Variants in MSH6 observed in about 807,000 individuals in gnomAD.
MSH6 encodes DNA mismatch repair protein Msh6.
In MSH6, 85 loss-of-function variants were observed where a neutral mutation model predicts 119.1. The ratio of observed to expected loss-of-function variants is 0.71; its 90% CI spans 0.60 to 0.85. The LOEUF is 0.85. Ranked by LOEUF, MSH6 falls within the 40% of genes least tolerant of loss-of-function variation. The pLI, the probability that MSH6 is intolerant of heterozygous loss-of-function variation, is 0.00. For missense variants in MSH6, 2,163 were observed against 1,655.3 expected, an observed-to-expected ratio of 1.31 and a Z score of -5.32; for synonymous variants, 830 against 586.9, an observed-to-expected ratio of 1.41 and a Z score of -5.99.
rs774496371 is a variant in MSH6, at chr2:47,798,715, A to C, written c.732A>C (p.Gln244His). Reference protein sequence around the residue: ...KTQGSRRSSRQIKKRRVISDS... With the variant: ...KTQGSRRSSRHIKKRRVISDS... ...AAGGATCTAGGCGAAGTAGCCGCCA[A>C]ATAAAAAAACGAAGGGTCATATCAG... Residue 244 changes from glutamine to histidine, a missense_variant, in exon 4 of 10, where the codon CAA becomes CAC. Gln to His is a conservative substitution (Grantham distance 24). Coordinates refer to ENST00000234420, the MANE Select transcript of MSH6 (RefSeq NM_000179.3). The C allele has an allele frequency of 2.5e-6, 4 of 1,614,086 alleles. No homozygotes were observed. Among genetic ancestry groups the C allele is most frequent in the Non-Finnish European group, 3.4e-6 (4 of 1,180,052 alleles).
Position 47,798,668 on chromosome 2 carries a change from G to C in MSH6, c.685G>C (p.Glu229Gln), listed in dbSNP as rs876660694. The C allele has an allele frequency of 6.2e-7, 1 of 1,613,616 alleles. No homozygotes were observed. The highest frequency in any genetic ancestry group is 1.1e-5 in the South Asian group (1 of 91,072). ...SEEDNEIESE[E>Q]EVQPKTQGSR... ...AGAAGATAATGAAATTGAGAGTGAA[G>C]AGGAAGTACAGCCTAAGACACAAGG... Residue 229 changes from glutamate to glutamine, a missense_variant, in exon 4 of 10, where the codon GAG becomes CAG. Coordinates refer to ENST00000234420, the MANE Select transcript of MSH6 (RefSeq NM_000179.3).
At chr2:47,788,278 G>A (rs1668467317) in intron 1 of MSH6, among the ~76,000 whole-genome samples, 1 of 88,266 alleles carries the variant, frequency 1.1e-5, no homozygotes. Context: ...TTTTTGAGAT[G>A]GAGTCTCGCC....
downstream of MSH6, chr2:47,807,414 C>T (rs759138566): frequency 5.3e-5 from 11 of 206,370 alleles, no homozygotes; most frequent in Non-Finnish European, 1.1e-4. Context: ...GAATGCTGCA[C>T]AGGGAAGGGA....
At chr2:47,806,134 TTTTTGTTTTAATTCCTTTTTTG>T in intron 7 of MSH6, 48 bp from the exon 8 acceptor site, 2 of 1,201,904 alleles carry the variant, frequency 1.7e-6, no homozygotes, top group Non-Finnish European at 1.2e-6. Flanking sequence ...TGTCCTAGCA[TTTTTGTTTTAATTCCTTTTTTG>T]TTTTAATTCC....
intron 1 of MSH6, among the ~76,000 whole-genome samples, chr2:47,788,915 T>TG (rs1558650179): frequency 8.4e-5 from 5 of 59,414 alleles, no homozygotes; most frequent in African/African-American, 3.3e-4. Flanking sequence ...TCCTTTTTTT[T>TG]TTTTTTGTTT....
chr2:47,807,274 C>CTAAAGTGTACTTAAAACAT, downstream of MSH6: 1 of 223,078 alleles, frequency 4.5e-6, no homozygotes, highest in Non-Finnish European at 9.0e-6. Flanking sequence ...AAGAGACTTT[C>CTAAAGTGTACTTAAAACAT]TAAAGTGTAC....
chr2:47,803,076 C>T (rs897789726), intron 4 of MSH6, among the ~76,000 whole-genome samples: 4 of 152,096 alleles, frequency 2.6e-5, no homozygotes, highest in African/African-American at 9.7e-5. Flanking sequence ...GTGTATTAGG[C>T]ACTGCTAATT....
chr2:47,783,206 G>T lies in MSH6; in HGVS notation c.-28G>T, dbSNP rs1057522699. ...GTGCTTTTAGGAGCTCCGTCCGACA[G>T]AACGGTTGGGCCTTGCCGGCTGTCG... is the stretch of plus-strand genomic sequence containing the variant. On this transcript the variant is annotated 5_prime_UTR_variant, in exon 1 of 10. Coordinates refer to ENST00000234420, the MANE Select transcript of MSH6 (RefSeq NM_000179.3). 8.1e-6 allele frequency: 13 copies of T among 1,610,096 alleles called. No homozygotes were observed. Among genetic ancestry groups the T allele is most frequent in the Non-Finnish European group, 1.0e-5 (12 of 1,178,976 alleles).
intron 4 of MSH6, among the ~76,000 whole-genome samples, chr2:47,803,077 A>T (rs539953326): frequency 2.1e-4 from 32 of 152,158 alleles, no homozygotes; most frequent in African/African-American, 7.7e-4. Flanking sequence ...TGTATTAGGC[A>T]CTGCTAATTT....
chr2:47,807,928 TGA>T, downstream of MSH6: 1 of 559,518 alleles, frequency 1.8e-6, no homozygotes, highest in South Asian at 2.3e-5. Context: ...CACCCAGCTT[TGA>T]GATCCTGAGT....
chr2:47,791,255 G>A, intron 2 of MSH6, 132 bp downstream of exon 2: 2 of 828,790 alleles, frequency 2.4e-6, no homozygotes, highest in South Asian at 3.1e-5. Flanking sequence ...TGCAAGGGGT[G>A]GCAGTTGTGA....
intron 5 of MSH6, among the ~76,000 whole-genome samples, chr2:47,804,535 TAA>T (rs746167671): frequency 0.024 from 1,971 of 80,886 alleles, 37 homozygotes; most frequent in African/African-American, 0.12. Context: ...TGACAACGTG[TAA>T]AAAAAAAAAA....
chr2:47,806,550 T>TAATGCA lies in MSH6; in HGVS notation c.3901_3906dup (p.Asn1301_Ala1302dup). 6.2e-7 allele frequency: 1 copy of TAATGCA among 1,613,940 alleles called. No homozygotes were observed. The highest frequency in any genetic ancestry group is 8.5e-7 in the Non-Finnish European group (1 of 1,179,948). On this transcript the variant is annotated inframe_insertion, in exon 9 of 10. Transcript: ENST00000234420. Reference sequence around the variant, plus strand: ...GAGCTTGTCCTAAAAGCTATGGCTTTAATGCAGCAAGGCTTGCTAATCTCC... The same window carrying TAATGCA: ...GAGCTTGTCCTAAAAGCTATGGCTTTAATGCAAATGCAGCAAGGCTTGCTAATCTCC...
chr2:47,787,995 A>T (rs1399754084), intron 1 of MSH6, among the ~76,000 whole-genome samples: 5 of 152,160 alleles, frequency 3.3e-5, no homozygotes, highest in African/African-American at 7.2e-5. Context: ...CACAAAAAAA[A>T]TTTGGTTTGT....
At chr2:47,809,296 T>C (rs765868245), downstream of MSH6, 2 of 1,369,162 alleles carry the variant, frequency 1.5e-6, no homozygotes, top group Non-Finnish European at 2.0e-6. Context: ...AAGTAAAAAT[T>C]CAGAGGAATG....
chr2:47,803,035 CTG>C (rs1669699269), intron 4 of MSH6, among the ~76,000 whole-genome samples: 1 of 152,136 alleles, frequency 6.6e-6, no homozygotes, highest in Non-Finnish European at 1.5e-5. Flanking sequence ...CCTCAGCCTC[CTG>C]CGTAGCTGGG....
intron 4 of MSH6, chr2:47,801,367 T>TTTTTTTTTTG (rs1669582794): frequency 2.2e-6 from 1 of 456,610 alleles, no homozygotes; most frequent in Admixed American, 4.3e-5. Flanking sequence ...TTCAGTTTTT[T>TTTTTTTTTTG]TTTTTTTTTT....
chr2:47,798,275 C>G (rs112488419), intron 3 of MSH6, among the ~76,000 whole-genome samples: 5 of 152,268 alleles, frequency 3.3e-5, no homozygotes, highest in African/African-American at 1.2e-4. Context: ...ATGGGGTTAT[C>G]CCATCCACAA....
chr2:47,797,407 C>T (rs139651829), intron 3 of MSH6, among the ~76,000 whole-genome samples: 1 of 152,306 alleles, frequency 6.6e-6, no homozygotes, highest in Non-Finnish European at 1.5e-5. Context: ...ATGGCAGCTA[C>T]AGAGATCATT....
Sources: gnomAD v4.1 joint callset for allele counts (sites outside exome capture counted in the v4.1 genomes callset) on GRCh38, gnomAD v4.1.1 for gene constraint, MANE v1.5 for transcripts, NCBI Gene and HGNC (gene_info 2026-07-23, HGNC 2026-07-21) for gene names.